FER1L5: variants seen among roughly 807,000 people sequenced by gnomAD.
FER1L5 encodes fer-1-like protein 5.
FER1L5 carries 187 observed loss-of-function variants against 279.9 expected under a neutral mutation model. The ratio of observed to expected loss-of-function variants is 0.67; its 90% confidence interval spans 0.59 to 0.75. The LOEUF is 0.75. Among genes scored for constraint, FER1L5 ranks in the 30% least tolerant of loss-of-function variants. FER1L5 has a pLI of 0.00. For synonymous variants in FER1L5, 921 were observed against 989.7 expected, an observed-to-expected ratio of 0.93 and a Z score of 1.30; for missense variants, 2,091 against 2,594.4, an observed-to-expected ratio of 0.81 and a Z score of 4.21.
chr2:96,656,945 G>A (rs1443635819), intron 9 of FER1L5, among the ~76,000 whole-genome samples: 2 of 151,898 alleles, frequency 1.3e-5, no homozygotes, highest in East Asian at 1.9e-4. Context: ...AGAAGGCACA[G>A]AATGTCTGCT....
At chr2:96,684,754 G>T (rs1321459571) in intron 20 of FER1L5, among the ~76,000 whole-genome samples, 1 of 152,210 alleles carries the variant, frequency 6.6e-6, no homozygotes, top group Non-Finnish European at 1.5e-5. Flanking sequence ...AGAAGATGGG[G>T]AGAGGAGAGG....
chr2:96,648,855 A>G (rs2075247431), intron 4 of FER1L5, among the ~76,000 whole-genome samples: 1 of 152,232 alleles, frequency 6.6e-6, no homozygotes, highest in Admixed American at 6.5e-5. Flanking sequence ...TTGACTTACA[A>G]TGCGTTTATC....
chr2:96,685,271 G>A, intron 20 of FER1L5, 58 bp from the exon 21 acceptor site: 1 of 1,467,874 alleles, frequency 6.8e-7, no homozygotes, highest in Non-Finnish European at 9.3e-7. Context: ...CCTGTGGCCT[G>A]TCCAGCTGGG....
At position 96,698,646 on chromosome 2, in the gene FER1L5, GC is replaced by G; in HGVS notation, c.4357-20del. ...GAGCTGGCCAGCACTGCCAGGCTGGGCCCCCAACACCCTCCCCCCGCCAGGG... is the reference window on the plus strand; with the variant it reads ...GAGCTGGCCAGCACTGCCAGGCTGGGCCCCAACACCCTCCCCCCGCCAGGG... On this transcript the variant is annotated intron_variant, in intron 40 of 52. Transcript: ENST00000624922. This position sits in a 1 kb window ranked among gnomAD's most constrained non-coding sequence, Gnocchi z 5.5. 6.4e-7 allele frequency: 1 copy of G among 1,564,436 alleles called. No homozygotes were observed. Among genetic ancestry groups the G allele is most frequent in the Non-Finnish European group, 8.7e-7 (1 of 1,152,924 alleles).
intron 9 of FER1L5, among the ~76,000 whole-genome samples, chr2:96,656,164 C>T (rs2075590620): frequency 1.3e-5 from 2 of 152,216 alleles, no homozygotes. Flanking sequence ...TCTCAAGCAT[C>T]ACATCATTTT....
rs1386054736 is a variant in FER1L5, at chr2:96,691,516, G to T, written c.2979G>T (p.Gln993His). 3 of 1,550,356 alleles carry T rather than the reference G, an allele frequency of 1.9e-6. No homozygotes were observed. The highest frequency in any genetic ancestry group is 1.2e-5 in the South Asian group (1 of 83,894). Reference protein sequence around the residue: ...TFGSKFHLNPQPQSRFRRRCW... With the variant: ...TFGSKFHLNPHPQSRFRRRCW... ...GCTCCAAGTTCCACCTCAACCCTCA[G>T]CCCCAGAGCCGGTTCCGCCGCCGCT... Residue 993 changes from glutamine to histidine, a missense_variant, in exon 29 of 53, where the codon CAG (glutamine) becomes CAT (histidine). Transcript: ENST00000624922. The surrounding 1 kb of genome is among the most constrained non-coding windows in gnomAD (Gnocchi z 6.0).
chr2:96,698,834 TA>T lies in FER1L5; in HGVS notation c.4518+5del. 6.4e-7 allele frequency: 1 copy of T among 1,558,874 alleles called. No homozygotes were observed. Among genetic ancestry groups the T allele is most frequent in the South Asian group, 1.2e-5 (1 of 84,412 alleles). On this transcript the variant is annotated splice_donor_region_variant and intron_variant, in intron 41 of 52. Transcript: ENST00000624922. The surrounding 1 kb of genome is among the most constrained non-coding windows in gnomAD (Gnocchi z 5.5). Reference sequence around the variant, plus strand: ...CAGCCCCAGGACTACAATGGCCTGGTAAAGAACAGTACCTGCCCCACACAGG... The same window carrying T: ...CAGCCCCAGGACTACAATGGCCTGGTAAGAACAGTACCTGCCCCACACAGG...
rs1484194946 is a variant in FER1L5, at chr2:96,693,427, CAG to C, written c.3293-78_3293-77del. ...TGACCCTCCTGGGCCCCACTGGGTCCAGTGGCTGCAGCAGCAGAGGAGAGGAA... is the reference window on the plus strand; with the variant it reads ...TGACCCTCCTGGGCCCCACTGGGTCCTGGCTGCAGCAGCAGAGGAGAGGAA... On this transcript the variant is annotated intron_variant, in intron 31 of 52. Transcript: ENST00000624922. 7.8e-6 allele frequency: 11 copies of C among 1,409,418 alleles called. No homozygotes were observed. The East Asian group carries it at 2.8e-4, about 35-fold the overall frequency. 87.3% of individuals were successfully genotyped at this position (1,409,418 alleles called of 1,614,324 possible).
Position 96,651,942 on chromosome 2 carries a change from A to G in FER1L5, c.555A>G (p.Lys185=). 6.4e-7 allele frequency: 1 copy of G among 1,551,970 alleles called. No homozygotes were observed. The highest frequency in any genetic ancestry group is 8.7e-7 in the Non-Finnish European group (1 of 1,147,040). The change falls in exon 7 of 53, where the codon AAA becomes AAG. Residue 185 remains lysine, a synonymous_variant. Transcript: ENST00000624922. ...EARQLMGNNI[K]PVVKVSIAGQ... is the part of the protein sequence containing the mutation. ...GACAGCTCATGGGCAACAACATCAA[A>G]CCAGTGGTGAAGGTGTCCATCGCAG...
rs1483269567 is a variant in FER1L5 at position 96,697,769 on chromosome 2, G to A, written c.4236+8G>A. 6.2e-7 allele frequency: 1 copy of A among 1,613,662 alleles called. No individual in the cohort carries two copies. Among genetic ancestry groups the A allele is most frequent in the Admixed American group, 1.7e-5 (1 of 60,024 alleles). On this transcript the variant is annotated splice_region_variant and intron_variant, in intron 39 of 52. Transcript: ENST00000624922. ...GACTACCACACCCTCAAGGTTTGAA[G>A]GAGGGAAGAAATGGGATGGAATCAA...
rs1394764621 is a variant in FER1L5 at position 96,660,328 on chromosome 2, G to C, written c.748-13G>C. Reference sequence around the variant, plus strand: ...GGCCCTAACTAATCCTCACCCCACTGTTGTCTTTTCAGACAGATATTGGGT... The same window carrying C: ...GGCCCTAACTAATCCTCACCCCACTCTTGTCTTTTCAGACAGATATTGGGT... On this transcript the variant is annotated splice_polypyrimidine_tract_variant and intron_variant, in intron 9 of 52. Coordinates refer to ENST00000624922, the MANE Select transcript of FER1L5 (RefSeq NM_001293083.2). 13 of 1,551,500 alleles carry C rather than the reference G, an allele frequency of 8.4e-6. No homozygotes were observed. In the Admixed American group the frequency reaches 1.4e-4, roughly 16 times the overall value.
Position 96,661,421 on chromosome 2 carries a change from G to T in FER1L5, c.875G>T (p.Gly292Val). The change falls in exon 11 of 53, where the codon GGT becomes GTT. Residue 292 changes from glycine to valine, a missense_variant. Transcript: ENST00000624922. ...GYLKVTIYAL[G>V]VGDQALIDQK... Reference sequence around the variant, plus strand: ...CTGAAAGTCACCATCTATGCCCTCGGTGTGGGAGACCAGGCCCTGGTGAGC... The same window carrying T: ...CTGAAAGTCACCATCTATGCCCTCGTTGTGGGAGACCAGGCCCTGGTGAGC... 1.3e-6 allele frequency: 2 copies of T among 1,551,520 alleles called. No individual in the cohort carries two copies. The highest frequency in any genetic ancestry group is 1.7e-6 in the Non-Finnish European group (2 of 1,146,936).
At position 96,689,257 on chromosome 2, in the gene FER1L5, G is replaced by C; in HGVS notation, c.2406G>C (p.Gly802=). 1 of 1,550,702 alleles carries C rather than the reference G, an allele frequency of 6.4e-7. No individual in the cohort carries two copies. The highest frequency in any genetic ancestry group is 8.7e-7 in the Non-Finnish European group (1 of 1,146,756). The change falls in exon 25 of 53, where the codon GGG becomes GGC. Residue 802 remains glycine (G), a synonymous_variant. Coordinates refer to ENST00000624922, the MANE Select transcript of FER1L5 (RefSeq NM_001293083.2). The surrounding 1 kb of genome is among the most constrained non-coding windows in gnomAD (Gnocchi z 4.6). ...AKYKDQWGQQ[G]LYHCPNFSDV... ...ATAAAGACCAGTGGGGGCAGCAGGG[G>C]CTGTATCACTGCCCCAACTTCTCGG...
At position 96,673,103 on chromosome 2, in the gene FER1L5, G is replaced by A. The variant is rs1403075632; in HGVS notation, c.1518G>A (p.Gly506=). 3 of 1,551,462 alleles carry A rather than the reference G, an allele frequency of 1.9e-6. No homozygotes were observed. The East Asian group carries it at 7.3e-5, about 38-fold the overall frequency. The change falls in exon 19 of 53, where the codon GGG becomes GGA. Residue 506 remains glycine, a synonymous_variant. Coordinates refer to ENST00000624922, the MANE Select transcript of FER1L5 (RefSeq NM_001293083.2). The part of the protein sequence containing the change: ...IEKHQNRQKY[G]LCVIFLSCTM... ...AGCACCAGAACCGCCAAAAGTATGG[G>A]CTGTGCGTCATCTTCCTTTCCTGTA...
chr2:96,646,510 AG>A, intron 2 of FER1L5, 57 bp downstream of exon 2: 1 of 1,526,312 alleles, frequency 6.6e-7, no homozygotes. Flanking sequence ...CAAGGGGGCA[AG>A]GGTGGGGTCC....
In FER1L5 at chr2:96,704,790, T is replaced by C; in HGVS notation, c.*98T>C. The C allele has an allele frequency of 1.1e-6, 1 of 895,508 alleles. No individual in the cohort carries two copies. The allele number at this position is 895,508 out of a possible 1,614,324, so 55.5% of individuals were successfully genotyped here. On this transcript the variant is annotated 3_prime_UTR_variant, in exon 53 of 53. Coordinates refer to ENST00000624922, the MANE Select transcript of FER1L5 (RefSeq NM_001293083.2). Reference sequence around the variant, plus strand: ...TCTATCTTCTAGAATATATGCAAGATGCTAGGAATATTCTGGCTATTGTGT... The same window carrying C: ...TCTATCTTCTAGAATATATGCAAGACGCTAGGAATATTCTGGCTATTGTGT...
chr2:96,647,124 C>T lies in FER1L5; in HGVS notation c.199C>T (p.Leu67Phe), dbSNP rs1339395477. 1 of 1,551,582 alleles carries T rather than the reference C, an allele frequency of 6.4e-7. No individual in the cohort carries two copies. Among genetic ancestry groups the T allele is most frequent in the East Asian group, 2.4e-5 (1 of 40,934 alleles). ...AAATGACTCCTTCCTGCAAGTCACC[C>T]TTCAGGACATGGGCTCACAAAAGAA... ...LENDSFLQVT[L>F]QDMGSQKKER... Residue 67 changes from leucine to phenylalanine, a missense_variant, in exon 3 of 53, where the codon CTT becomes TTT. By Grantham distance (22) the Leu-to-Phe change is conservative. Transcript: ENST00000624922.
At chr2:96,663,539 C>T (rs2076024696) in intron 14 of FER1L5, 32 bp downstream of exon 14, 4 of 1,547,986 alleles carry the variant, frequency 2.6e-6, no homozygotes, top group Non-Finnish European at 3.5e-6. Context: ...CACCCTTCTC[C>T]CACATCCCCT....
intron 36 of FER1L5, 61 bp from the exon 37 acceptor site, chr2:96,695,991 G>T: frequency 6.2e-7 from 1 of 1,605,718 alleles, no homozygotes; most frequent in Non-Finnish European, 8.5e-7. Flanking sequence ...CCGTGGGGTT[G>T]GTGCTTCCTC....
Sources: allele counts gnomAD v4.1 joint callset (sites outside exome capture counted in the v4.1 genomes callset), GRCh38; gene constraint gnomAD v4.1.1; non-coding constraint Gnocchi (gnomAD v3.1); transcripts MANE v1.5; gene names NCBI Gene and HGNC (gene_info 2026-07-23, HGNC 2026-07-21).